RIN2: variants seen among roughly 807,000 people sequenced by gnomAD.
The protein encoded by RIN2 is RAB5 interacting protein 2.
RIN2 carries 36 observed loss-of-function variants against 78.0 expected under a neutral mutation model. That is an observed-to-expected ratio of 0.46 (90% CI 0.35 to 0.61). The LOEUF (loss-of-function observed/expected upper bound fraction) is 0.61. RIN2 is among the 20% of genes least tolerant of loss of function. The probability of loss-of-function intolerance (pLI) is 0.00; values close to 1 mark genes in which losing one functional copy is unlikely to be tolerated. For missense variants in RIN2, 1,087 were observed against 1,159.7 expected, an observed-to-expected ratio of 0.94 and a Z score of 0.91; for synonymous variants, 466 against 466.8, an observed-to-expected ratio of 1.00 and a Z score of 0.02.
At position 19,974,672 on chromosome 20, in the gene RIN2, C is replaced by A. The variant is rs927825963; in HGVS notation, c.647C>A (p.Ala216Asp). The change falls in exon 9 of 13, where the codon GCT (alanine) becomes GAT (aspartate). Residue 216 changes from alanine (A) to aspartate (D), a missense_variant. Coordinates refer to ENST00000255006, the MANE Select transcript of RIN2 (RefSeq NM_018993.4). ...CTTTCAGATTTCTGGAGCTCCCCAG[C>A]TGACAGCAAACCCCCGAACCTTCCA... ...QMGLNFWSSP[A>D]DSKPPNLPPP... 7 of 1,612,538 alleles carry A rather than the reference C, an allele frequency of 4.3e-6. No homozygotes were observed. The highest frequency in any genetic ancestry group is 1.3e-5 in the African/African-American group (1 of 74,860).
intron 2 of RIN2, among the ~76,000 whole-genome samples, chr20:19,870,883 G>A (rs552042581): frequency 3.3e-5 from 5 of 152,270 alleles, no homozygotes; most frequent in East Asian, 3.9e-4. Context: ...GGCTGCCTTC[G>A]TTTGGGATGC....
At chr20:19,997,282 TCAGCAG>T (rs899876524) in intron 12 of RIN2, among the ~76,000 whole-genome samples, 1 of 152,128 alleles carries the variant, frequency 6.6e-6, no homozygotes, top group Non-Finnish European at 1.5e-5. Flanking sequence ...CCCCAGAATC[TCAGCAG>T]CAGCAGCAAC....
intron 9 of RIN2, among the ~76,000 whole-genome samples, chr20:19,987,559 T>G (rs2042659380): frequency 2.0e-5 from 3 of 152,236 alleles, no homozygotes; most frequent in Admixed American, 2.0e-4. Flanking sequence ...ATAATATTAG[T>G]ATTGTGCAAA....
chr20:19,964,839 C>A, intron 6 of RIN2, 113 bp from the exon 7 acceptor site: 2 of 857,172 alleles, frequency 2.3e-6, no homozygotes, highest in South Asian at 1.4e-5. Flanking sequence ...ATAAGCCACA[C>A]GGTAGTTTGT....
intron 2 of RIN2, among the ~76,000 whole-genome samples, chr20:19,863,682 A>T (rs1419832496): frequency 6.6e-6 from 1 of 152,208 alleles, no homozygotes; most frequent in Non-Finnish European, 1.5e-5. Flanking sequence ...CCCAGAAATT[A>T]CCAGCCCTAG....
intron 2 of RIN2, among the ~76,000 whole-genome samples, chr20:19,852,651 A>G (rs1199089995): frequency 6.6e-6 from 1 of 152,140 alleles, no homozygotes; most frequent in Non-Finnish European, 1.5e-5. Flanking sequence ...ACCTTGCCAA[A>G]TTACTCTTTG....
At chr20:19,777,728 G>C (rs943168980) in intron 1 of RIN2, among the ~76,000 whole-genome samples, 2 of 152,202 alleles carry the variant, frequency 1.3e-5, no homozygotes, top group South Asian at 4.1e-4. Context: ...AATTTCTCTG[G>C]TTTAGTTTTC....
At chr20:19,876,692 A>T (rs941565043) in intron 2 of RIN2, among the ~76,000 whole-genome samples, 20 of 152,146 alleles carry the variant, frequency 1.3e-4, no homozygotes, top group African/African-American at 4.6e-4. Flanking sequence ...ATCACTTGAG[A>T]TCAGGAGTTC....
In RIN2 at chr20:19,956,812, G is replaced by C; in HGVS notation, c.351+5G>C. 6.4e-7 allele frequency: 1 copy of C among 1,556,984 alleles called. No individual in the cohort carries two copies. Among genetic ancestry groups the C allele is most frequent in the Non-Finnish European group, 8.7e-7 (1 of 1,148,170 alleles). ...CTGCAGGCCCAGCCTCCGGGGGTAA[G>C]ACTCAGAACCTCGGGAAGCAGGTTG... On this transcript the variant is annotated splice_donor_5th_base_variant and intron_variant, in intron 5 of 12. Coordinates refer to ENST00000255006, the MANE Select transcript of RIN2 (RefSeq NM_018993.4).
chr20:19,881,441 G>T (rs2038024378), intron 2 of RIN2, among the ~76,000 whole-genome samples: 1 of 152,192 alleles, frequency 6.6e-6, no homozygotes, highest in South Asian at 2.1e-4. Flanking sequence ...TGAAGGAAAA[G>T]AAGCAAATTA....
chr20:19,908,111 T>C (rs1007305135), intron 3 of RIN2, among the ~76,000 whole-genome samples: 2 of 152,110 alleles, frequency 1.3e-5, no homozygotes. Context: ...AGGTCCATGC[T>C]CCATCTGTCT....
At chr20:19,779,727 A>T (rs1024859738) in intron 1 of RIN2, among the ~76,000 whole-genome samples, 1 of 152,220 alleles carries the variant, frequency 6.6e-6, no homozygotes, top group African/African-American at 2.4e-5. Flanking sequence ...TTCTAAAATA[A>T]GACTTTCAGT....
chr20:19,881,147 T>A (rs1488958719), intron 2 of RIN2, among the ~76,000 whole-genome samples: 1 of 152,202 alleles, frequency 6.6e-6, no homozygotes, highest in African/African-American at 2.4e-5. Flanking sequence ...ATTAGTGAAT[T>A]AAATATAGTG....
chr20:19,788,433 A>AG (rs2034762325), intron 1 of RIN2, among the ~76,000 whole-genome samples: 1 of 124,504 alleles, frequency 8.0e-6, no homozygotes, highest in African/African-American at 3.1e-5. Context: ...TGTCTCTGCC[A>AG]AAAAAAAAAA....
Position 19,956,729 on chromosome 20 carries a change from C to A in RIN2, c.273C>A (p.Leu91=). 1 of 1,610,230 alleles carries A rather than the reference C, an allele frequency of 6.2e-7. No individual in the cohort carries two copies. Among genetic ancestry groups the A allele is most frequent in the Non-Finnish European group, 8.5e-7 (1 of 1,178,430 alleles). ...GGCTCAGCATCTTGGACCGGCTCCTCCACACCCACCCCATATGGCTGCAGC... is the reference window on the plus strand; with the variant it reads ...GGCTCAGCATCTTGGACCGGCTCCTACACACCCACCCCATATGGCTGCAGC... The part of the protein sequence containing the change: ...SNRLSILDRL[L]HTHPIWLQLS... The change falls in exon 5 of 13, where the codon CTC becomes CTA. Residue 91 remains leucine (L), a synonymous_variant. Transcript: ENST00000255006.
At chr20:19,766,569 G>T (rs1366825028) in intron 1 of RIN2, among the ~76,000 whole-genome samples, 1 of 152,142 alleles carries the variant, frequency 6.6e-6, no homozygotes, top group African/African-American at 2.4e-5. Flanking sequence ...TACGGTGGAT[G>T]GAATCATCAG....
chr20:19,852,921 AT>A (rs1246961007), intron 2 of RIN2, among the ~76,000 whole-genome samples: 1 of 151,794 alleles, frequency 6.6e-6, no homozygotes, highest in African/African-American at 2.4e-5. Context: ...TCTAGGGTAC[AT>A]GTGCACAACG....
Position 19,974,967 on chromosome 20 carries a change from C to T in RIN2, c.942C>T (p.Pro314=), listed in dbSNP as rs371219190. 101 of 1,613,052 alleles carry T rather than the reference C, an allele frequency of 6.3e-5. No homozygotes were observed. Among genetic ancestry groups the T allele is most frequent in the Middle Eastern group, 1.6e-4 (1 of 6,082 alleles). The change falls in exon 9 of 13, where the codon CCC becomes CCT. Residue 314 remains proline (P), a synonymous_variant. Coordinates refer to ENST00000255006, the MANE Select transcript of RIN2 (RefSeq NM_018993.4). ...CCCCCCCACCCAGGCCCCCGCCACC[C>T]GCTATTAATAGTCTCCACACAAGCC... ...TRSPPPRPPP[P]AINSLHTSPR... is the part of the protein sequence containing the mutation.
At chr20:19,862,340 C>G (rs943821727) in intron 2 of RIN2, among the ~76,000 whole-genome samples, 2 of 152,134 alleles carry the variant, frequency 1.3e-5, no homozygotes, top group African/African-American at 4.8e-5. Context: ...ACCAGTAATC[C>G]CACCACTTTG....
Sources: gnomAD v4.1 joint callset for allele counts (sites outside exome capture counted in the v4.1 genomes callset) on GRCh38, gnomAD v4.1.1 for gene constraint, MANE v1.5 for transcripts, NCBI Gene and HGNC (gene_info 2026-07-23, HGNC 2026-07-21) for gene names.